TSHZ2: variants seen among roughly 807,000 people sequenced by gnomAD.
The protein encoded by TSHZ2 is teashirt homolog 2.
A neutral mutation model predicts 74.4 loss-of-function variants in TSHZ2; 21 were observed. That is an observed-to-expected ratio of 0.28 (90% CI 0.20 to 0.41). TSHZ2 has a LOEUF of 0.41. Ranked by LOEUF, TSHZ2 falls within the 10% of genes least tolerant of loss-of-function variation. TSHZ2 has a pLI of 1.00. For missense variants in TSHZ2, 1,244 were observed against 1,293.5 expected (o/e 0.96, Z 0.59); for synonymous variants, 540 against 515.3 (o/e 1.05, Z -0.65).
In TSHZ2 at chr20:53,170,798, G is replaced by A. The variant is rs114707439; in HGVS notation, c.41-82701G>A. ...TTCCTTAAGGTGAGGGATATTGGAT[G>A]TTAGGACGTCAGAGTGGTGTTTGGG... On this transcript the variant is annotated intron_variant, in intron 1 of 2. Coordinates refer to ENST00000371497, the MANE Select transcript of TSHZ2 (RefSeq NM_173485.6). Among the ~76,000 whole-genome samples, 557 of 152,262 alleles carry A rather than the reference G, an allele frequency of 3.7e-3. 3 individuals are homozygous for A. Among genetic ancestry groups the A allele is most frequent in the African/African-American group, 0.013 (531 of 41,554 alleles).
chr20:53,460,259 T>C (rs1985298600), intron 2 of TSHZ2, among the ~76,000 whole-genome samples: 1 of 152,054 alleles, frequency 6.6e-6, no homozygotes, highest in East Asian at 1.9e-4. Context: ...CTCATTTCTT[T>C]TTATTCTTTT....
intron 2 of TSHZ2, among the ~76,000 whole-genome samples, chr20:53,435,576 C>T (rs929138309): frequency 5.3e-5 from 8 of 152,138 alleles, no homozygotes; most frequent in Admixed American, 2.6e-4. Flanking sequence ...TGCAGTGGCG[C>T]GATCTTGGCT....
At chr20:53,112,432 CT>C (rs1171137540) in intron 1 of TSHZ2, among the ~76,000 whole-genome samples, 1 of 152,222 alleles carries the variant, frequency 6.6e-6, no homozygotes, top group Non-Finnish European at 1.5e-5. Context: ...TCTTCTGCCC[CT>C]TCACTTGTCT....
At chr20:52,985,652 A>G (rs1981726630) in intron 1 of TSHZ2, among the ~76,000 whole-genome samples, 1 of 152,180 alleles carries the variant, frequency 6.6e-6, no homozygotes, top group South Asian at 2.1e-4. Context: ...GTTGTGTCTC[A>G]TTGCTTTCGT....
At chr20:53,049,889 C>T (rs1449052086) in intron 1 of TSHZ2, among the ~76,000 whole-genome samples, 2 of 151,804 alleles carry the variant, frequency 1.3e-5, no homozygotes, top group Non-Finnish European at 1.5e-5. Flanking sequence ...CGAGACTAGC[C>T]TGGCCAACAC....
chr20:53,223,898 A>AACACACACACACAC (rs71675648), intron 1 of TSHZ2, among the ~76,000 whole-genome samples: 1 of 145,400 alleles, frequency 6.9e-6, no homozygotes, highest in Non-Finnish European at 1.5e-5. Flanking sequence ...TACAGGACTA[A>AACACACACACACAC]ACACACACAC....
intron 1 of TSHZ2, among the ~76,000 whole-genome samples, chr20:53,182,351 T>C (rs1988501323): frequency 6.6e-6 from 1 of 152,150 alleles, no homozygotes; most frequent in Non-Finnish European, 1.5e-5. Context: ...AGCATGGTTT[T>C]AGAGCTTCAG....
At chr20:53,312,577 A>C (rs141910312) in intron 2 of TSHZ2, among the ~76,000 whole-genome samples, 8 of 152,312 alleles carry the variant, frequency 5.3e-5, no homozygotes, top group Non-Finnish European at 8.8e-5. Context: ...CAGTCGCTCT[A>C]TCTCTCTAAA....
intron 2 of TSHZ2, among the ~76,000 whole-genome samples, chr20:53,268,207 C>T (rs1438150091): frequency 6.6e-6 from 1 of 152,088 alleles, no homozygotes; most frequent in Non-Finnish European, 1.5e-5. Context: ...TTGGAGCCTC[C>T]AATACATTAT....
At chr20:53,478,603 G>C (rs1188806313) in intron 2 of TSHZ2, among the ~76,000 whole-genome samples, 1 of 151,220 alleles carries the variant, frequency 6.6e-6, no homozygotes, top group Admixed American at 6.6e-5. Context: ...CATGGCACAT[G>C]TATACATATG....
chr20:52,976,032 G>A (rs1339665557), intron 1 of TSHZ2, among the ~76,000 whole-genome samples: 1 of 152,220 alleles, frequency 6.6e-6, no homozygotes, highest in East Asian at 1.9e-4. Flanking sequence ...GTGGATCCGA[G>A]CTGAGGCTCT....
intron 1 of TSHZ2, among the ~76,000 whole-genome samples, chr20:53,085,941 G>A (rs773570511): frequency 2.0e-5 from 3 of 152,116 alleles, no homozygotes; most frequent in Non-Finnish European, 2.9e-5. Flanking sequence ...CTCCAGCTGC[G>A]CTCAACCTCA....
intron 1 of TSHZ2, among the ~76,000 whole-genome samples, chr20:53,037,512 C>A (rs1983864935): frequency 6.6e-6 from 1 of 152,044 alleles, no homozygotes; most frequent in African/African-American, 2.4e-5. Flanking sequence ...TCAAATCATC[C>A]CCTAAGCAAA....
intron 1 of TSHZ2, among the ~76,000 whole-genome samples, chr20:53,158,866 GC>G (rs1436301657): frequency 6.6e-6 from 1 of 152,152 alleles, no homozygotes; most frequent in African/African-American, 2.4e-5. Context: ...TGCCTCACCT[GC>G]CCACTTTGCA....
At chr20:52,982,877 G>A (rs1159984377) in intron 1 of TSHZ2, among the ~76,000 whole-genome samples, 1 of 152,168 alleles carries the variant, frequency 6.6e-6, no homozygotes, top group African/African-American at 2.4e-5. Flanking sequence ...AAGCAGTCCA[G>A]GCAGAGGAAG....
At chr20:53,164,283 TAC>T (rs1199647726) in intron 1 of TSHZ2, among the ~76,000 whole-genome samples, 2 of 152,320 alleles carry the variant, frequency 1.3e-5, no homozygotes, top group East Asian at 1.9e-4. Context: ...GATTAATCAA[TAC>T]ACTACTACCA....
rs1462815198 is a variant in TSHZ2 at position 53,047,400 on chromosome 20, A to T, written c.40+74067A>T. On this transcript the variant is annotated intron_variant, in intron 1 of 2. Coordinates refer to ENST00000371497, the MANE Select transcript of TSHZ2 (RefSeq NM_173485.6). ...CAAGGCTTCCTTCTGATGGTCCAAG[A>T]TGGCTGCCCTGGATTCTACCATTAT... is the stretch of plus-strand genomic sequence containing the variant. Among the ~76,000 whole-genome samples, 8 of 152,302 alleles carry T rather than the reference A, an allele frequency of 5.3e-5. No individual in the cohort carries two copies. In the South Asian group the frequency reaches 1.7e-3, roughly 32 times the overall value.
chr20:53,333,009 T>C (rs971148473), intron 2 of TSHZ2, among the ~76,000 whole-genome samples: 4 of 152,186 alleles, frequency 2.6e-5, no homozygotes, highest in Non-Finnish European at 4.4e-5. Flanking sequence ...CTCTCCCAGA[T>C]CTTCCTGGGG....
chr20:52,975,618 C>T (rs1981303742), intron 1 of TSHZ2, among the ~76,000 whole-genome samples: 1 of 151,784 alleles, frequency 6.6e-6, no homozygotes, highest in Admixed American at 6.6e-5. Flanking sequence ...TTGTATGATT[C>T]TTATTATTTT....
Sources: allele counts gnomAD v4.1 joint callset (sites outside exome capture counted in the v4.1 genomes callset), GRCh38; gene constraint gnomAD v4.1.1; transcripts MANE v1.5; gene names NCBI Gene and HGNC (gene_info 2026-07-23, HGNC 2026-07-21).